PARD3B: variants seen among roughly 807,000 people sequenced by gnomAD.
PARD3B encodes the protein partitioning defective 3 homolog B.
In PARD3B, 103 loss-of-function variants were observed where a neutral mutation model predicts 130.2. The ratio of observed to expected loss-of-function variants is 0.79; its 90% CI spans 0.67 to 0.93. The LOEUF is 0.93. Among genes scored for constraint, PARD3B ranks in the 40% least tolerant of loss-of-function variants. The pLI is 0.00. For synonymous variants in PARD3B, 583 were observed against 553.2 expected, an observed-to-expected ratio of 1.05 and a Z score of -0.76; for missense variants, 1,609 against 1,499.2, an observed-to-expected ratio of 1.07 and a Z score of -1.21.
intron 18 of PARD3B, among the ~76,000 whole-genome samples, chr2:205,382,628 G>A (rs2045494151): frequency 6.6e-6 from 1 of 152,002 alleles, no homozygotes; most frequent in Admixed American, 6.6e-5. Flanking sequence ...TGTTTCAATG[G>A]TGATTTCCTG....
At chr2:205,552,310 C>CA (rs1553543226) in intron 21 of PARD3B, among the ~76,000 whole-genome samples, 2 of 117,236 alleles carry the variant, frequency 1.7e-5, no homozygotes, top group African/African-American at 3.2e-5. Flanking sequence ...TCAGGGTGGT[C>CA]GGGGGGCATC....
intron 22 of PARD3B, among the ~76,000 whole-genome samples, chr2:205,560,572 G>A (rs375806567): frequency 6.6e-6 from 1 of 152,170 alleles, no homozygotes; most frequent in Non-Finnish European, 1.5e-5. Context: ...GAAGAAAAAA[G>A]GTGACAGTAA....
intron 18 of PARD3B, among the ~76,000 whole-genome samples, chr2:205,338,416 A>G (rs1045602462): frequency 8.5e-5 from 13 of 152,154 alleles, no homozygotes; most frequent in African/African-American, 1.7e-4. Flanking sequence ...CTCCAGTTAC[A>G]TGGAGAATAT....
chr2:204,606,199 A>G lies in PARD3B; in HGVS notation c.120+60080A>G, dbSNP rs1178342192. ...AGATTTTTGTCTTTGAGTTTGCCAC[A>G]CATGTGGCATAGTGCAGCGCCTTAT... On this transcript the variant is annotated intron_variant, in intron 1 of 22. Coordinates refer to ENST00000406610, the MANE Select transcript of PARD3B (RefSeq NM_001302769.2). The surrounding 1 kb of genome is among the most constrained non-coding windows in gnomAD (Gnocchi z 4.0). Among the ~76,000 whole-genome samples the G allele has an allele frequency of 6.6e-6, 1 of 152,186 alleles. No individual in the cohort carries two copies. Among genetic ancestry groups the G allele is most frequent in the Non-Finnish European group, 1.5e-5 (1 of 68,034 alleles).
At chr2:205,478,926 G>A (rs776410063) in intron 20 of PARD3B, among the ~76,000 whole-genome samples, 6 of 152,106 alleles carry the variant, frequency 3.9e-5, no homozygotes, top group Non-Finnish European at 7.4e-5. Flanking sequence ...ATTACTGCTT[G>A]GCTAGACAAT....
intron 3 of PARD3B, among the ~76,000 whole-genome samples, chr2:205,005,686 A>T (rs1173626367): frequency 5.3e-5 from 8 of 152,232 alleles, no homozygotes; most frequent in Non-Finnish European, 1.5e-5. Context: ...TTAAAAATAC[A>T]AAGTATAAAA....
At chr2:204,603,112 A>T (rs2033580608) in intron 1 of PARD3B, among the ~76,000 whole-genome samples, 1 of 152,184 alleles carries the variant, frequency 6.6e-6, no homozygotes, top group Non-Finnish European at 1.5e-5. Flanking sequence ...CACAGGAATG[A>T]GGAAGGGTAG....
rs146568770 is a variant in PARD3B at position 204,665,133 on chromosome 2, TTCATC to T, written c.121-21044_121-21040del. 5.0e-3 allele frequency among the ~76,000 whole-genome samples: 758 copies of T among 152,158 alleles called. 3 individuals carry two copies. The highest frequency in any genetic ancestry group is 8.1e-3 in the East Asian group (42 of 5,180). On this transcript the variant is annotated intron_variant, in intron 1 of 22. Coordinates refer to ENST00000406610, the MANE Select transcript of PARD3B (RefSeq NM_001302769.2). ...TTGTTTTTTTTTTTGTCTTTGTTCT[TTCATC>T]TCAGCTTTTCAAAATCTTTAGAAAA...
chr2:205,284,261 T>A (rs980064580), intron 16 of PARD3B, among the ~76,000 whole-genome samples: 1 of 152,200 alleles, frequency 6.6e-6, no homozygotes, highest in Non-Finnish European at 1.5e-5. Context: ...TTTTCCAGAT[T>A]TGCACACGGT....
intron 20 of PARD3B, among the ~76,000 whole-genome samples, chr2:205,476,628 TTTTG>T (rs149480140): frequency 0.016 from 2,492 of 152,170 alleles, 65 homozygotes; most frequent in African/African-American, 0.05. Context: ...TTGTTTGTTT[TTTTG>T]TTTGTTTGTT....
At chr2:205,063,699 T>C (rs1700190855) in intron 4 of PARD3B, among the ~76,000 whole-genome samples, 1 of 152,172 alleles carries the variant, frequency 6.6e-6, no homozygotes, top group South Asian at 2.1e-4. Flanking sequence ...ATGAGGTACA[T>C]AGAGGTTAAG....
In PARD3B at chr2:205,411,717, C is replaced by T. The variant is rs1256305336; in HGVS notation, c.2741+10594C>T. Among the ~76,000 whole-genome samples, 4 of 152,098 alleles carry T rather than the reference C, an allele frequency of 2.6e-5. No homozygotes were observed. The East Asian group carries it at 7.7e-4, about 29-fold the overall frequency. ...GGCCAAGTTGAGCGGAGACTTTGCC[C>T]AGCTGGGAGTCATGCCAGATACTTC... On this transcript the variant is annotated intron_variant, in intron 19 of 22. Transcript: ENST00000406610.
At chr2:204,823,521 G>T (rs187096035) in intron 2 of PARD3B, among the ~76,000 whole-genome samples, 1 of 152,024 alleles carries the variant, frequency 6.6e-6, no homozygotes, top group African/African-American at 2.4e-5. Context: ...TTCATACAGG[G>T]TAAGAAATAG....
chr2:205,235,941 A>G (rs2039043677), intron 15 of PARD3B, among the ~76,000 whole-genome samples: 1 of 152,220 alleles, frequency 6.6e-6, no homozygotes. Context: ...GTTTTCTTAT[A>G]AAGTCAATAA....
chr2:204,683,417 C>T (rs1046256134), intron 1 of PARD3B, among the ~76,000 whole-genome samples: 6 of 152,062 alleles, frequency 3.9e-5, no homozygotes, highest in African/African-American at 1.4e-4. Context: ...GGCAATAAAA[C>T]CATGTAAATG....
At chr2:205,491,447 G>A (rs1278591515) in intron 20 of PARD3B, among the ~76,000 whole-genome samples, 1 of 152,048 alleles carries the variant, frequency 6.6e-6, no homozygotes, top group Non-Finnish European at 1.5e-5. Context: ...TGAGGGTTCT[G>A]TTCTGTTCTA....
At position 205,253,677 on chromosome 2, in the gene PARD3B, G is replaced by A. The variant is rs2039952157; in HGVS notation, c.2185+7855G>A. On this transcript the variant is annotated intron_variant, in intron 16 of 22. Transcript: ENST00000406610. The surrounding 1 kb of genome is among the most constrained non-coding windows in gnomAD (Gnocchi z 4.4). Reference sequence around the variant, plus strand: ...AGATGGTTAGATGATGAAGGTAGTAGAAGGCAAGGATGATTGGGAGTAGAA... The same window carrying A: ...AGATGGTTAGATGATGAAGGTAGTAAAAGGCAAGGATGATTGGGAGTAGAA... 6.6e-6 allele frequency among the ~76,000 whole-genome samples: 1 copy of A among 152,114 alleles called. No homozygotes were observed. The highest frequency in any genetic ancestry group is 6.5e-5 in the Admixed American group (1 of 15,282).
At chr2:205,150,208 GCT>G (rs1491118085) in intron 10 of PARD3B, among the ~76,000 whole-genome samples, 197 of 123,360 alleles carry the variant, frequency 1.6e-3, no homozygotes, top group African/African-American at 6.0e-3. Flanking sequence ...CGCCAGCCAG[GCT>G]CTGTGTGTGT....
At chr2:204,930,793 G>A (rs1471524562) in intron 2 of PARD3B, among the ~76,000 whole-genome samples, 1 of 152,058 alleles carries the variant, frequency 6.6e-6, no homozygotes, top group Non-Finnish European at 1.5e-5. Flanking sequence ...TGTTCAGACA[G>A]TTCTTTCTTC....
Sources: allele counts gnomAD v4.1 joint callset (sites outside exome capture counted in the v4.1 genomes callset), GRCh38; gene constraint gnomAD v4.1.1; non-coding constraint Gnocchi (gnomAD v3.1); transcripts MANE v1.5; gene names NCBI Gene and HGNC (gene_info 2026-07-23, HGNC 2026-07-21).